The following SMPD3 variants were observed in gnomAD, a reference collection of about 807,000 sequenced individuals.
The protein encoded by SMPD3 is sphingomyelin phosphodiesterase 3.
SMPD3 carries 21 observed loss-of-function variants against 55.7 expected under a neutral mutation model. The observed-to-expected ratio is 0.38, with a 90% CI of 0.27 to 0.54. The LOEUF is 0.54. Among genes scored for constraint, SMPD3 ranks in the 20% least tolerant of loss-of-function variants. SMPD3 has a pLI of 0.80. For synonymous variants in SMPD3, 457 were observed against 404.3 expected, an observed-to-expected ratio of 1.13 and a Z score of -1.56; for missense variants, 842 against 899.6, an observed-to-expected ratio of 0.94 and a Z score of 0.82.
chr16:68,370,422 C>T (rs1437387683), intron 3 of SMPD3, among the ~76,000 whole-genome samples: 2 of 152,170 alleles, frequency 1.3e-5, no homozygotes, highest in Non-Finnish European at 2.9e-5. Flanking sequence ...GCTGGTCTCT[C>T]TGCCTCGTTA....
Position 68,444,368 on chromosome 16 carries a change from C to G in SMPD3, c.-269+3985G>C, listed in dbSNP as rs138637255. ...CAGTGATTTAGGAATACCAGGGCTG[C>G]AGTCTCATTTCCAGCATGCATGCTG... is the stretch of plus-strand genomic sequence containing the variant. On this transcript the variant is annotated intron_variant, in intron 1 of 8. Coordinates refer to ENST00000219334, the MANE Select transcript of SMPD3 (RefSeq NM_018667.4). Among the ~76,000 whole-genome samples, 432 of 152,344 alleles carry G rather than the reference C, an allele frequency of 2.8e-3. 1 individual carries two copies. Among genetic ancestry groups the G allele is most frequent in the Non-Finnish European group, 4.7e-3 (317 of 68,026 alleles).
intron 1 of SMPD3, among the ~76,000 whole-genome samples, chr16:68,413,861 C>T (rs1246934597): frequency 1.3e-5 from 2 of 152,186 alleles, no homozygotes; most frequent in African/African-American, 4.8e-5. Flanking sequence ...TAAAACCTGG[C>T]ATGCTCTGGT....
At chr16:68,425,559 G>A (rs1218377501) in intron 1 of SMPD3, among the ~76,000 whole-genome samples, 1 of 152,100 alleles carries the variant, frequency 6.6e-6, no homozygotes. Context: ...GGGCCCTAAG[G>A]AGCCAGAGTC....
In SMPD3 at chr16:68,363,244, G is replaced by C. The variant is rs557402362; in HGVS notation, c.1709+252C>G. ...GGGGCTCGGGGCAGGGCTAGCTCCT[G>C]AAAACAGGTTTGGGAAATACCCCTA... On this transcript the variant is annotated intron_variant, in intron 7 of 8. Coordinates refer to ENST00000219334, the MANE Select transcript of SMPD3 (RefSeq NM_018667.4). 5.0e-4 allele frequency among the ~76,000 whole-genome samples: 76 copies of C among 152,250 alleles called. 1 individual carries two copies. The highest frequency in any genetic ancestry group is 1.7e-3 in the African/African-American group (70 of 41,548).
rs566453713 is a variant in SMPD3 at position 68,365,521 on chromosome 16, C to T, written c.1324-429G>A. On this transcript the variant is annotated intron_variant, in intron 3 of 8. Coordinates refer to ENST00000219334, the MANE Select transcript of SMPD3 (RefSeq NM_018667.4). ...CTGGTGCTTTCTCCCCCTGAAATCT[C>T]AGGGGGTTGCCCCTGTGCCATGGCG... is the stretch of plus-strand genomic sequence containing the variant. 1.0e-4 allele frequency among the ~76,000 whole-genome samples: 12 copies of T among 115,806 alleles called. No homozygotes were observed. The East Asian group carries it at 2.5e-3, about 24-fold the overall frequency. 76.0% of individuals were successfully genotyped at this position (115,806 alleles called of 152,430 possible). A position where few individuals can be genotyped will look rare whatever the true frequency, so the allele number is the denominator to read the frequency against.
Position 68,360,691 on chromosome 16 carries a change from G to A in SMPD3, c.*515C>T, listed in dbSNP as rs868757890. 2 of 156,128 alleles carry A rather than the reference G, an allele frequency of 1.3e-5. No homozygotes were observed. Among genetic ancestry groups the A allele is most frequent in the Middle Eastern group, 3.1e-3 (1 of 326 alleles). 9.7% of individuals were successfully genotyped at this position (156,128 alleles called of 1,614,324 possible). ...ACTGGAGGCGGGAGAGCTGGTGGCCGTGCCCAGGAAGTGCTTCTTTGGCTG... is the reference window on the plus strand; with the variant it reads ...ACTGGAGGCGGGAGAGCTGGTGGCCATGCCCAGGAAGTGCTTCTTTGGCTG... On this transcript the variant is annotated 3_prime_UTR_variant, in exon 9 of 9. Transcript: ENST00000219334.
chr16:68,439,309 C>T (rs910546351), intron 1 of SMPD3, among the ~76,000 whole-genome samples: 3 of 152,224 alleles, frequency 2.0e-5, no homozygotes, highest in Admixed American at 6.5e-5. Context: ...CCTTGGTTCA[C>T]TCTGCATATG....
intron 1 of SMPD3, among the ~76,000 whole-genome samples, chr16:68,399,924 C>T (rs916138178): frequency 2.0e-5 from 3 of 152,224 alleles, no homozygotes; most frequent in African/African-American, 4.8e-5. Context: ...AGCTTCTCTC[C>T]GTAGCCTCAT....
intron 1 of SMPD3, among the ~76,000 whole-genome samples, chr16:68,406,921 G>A (rs890835427): frequency 6.6e-6 from 1 of 152,146 alleles, no homozygotes; most frequent in Non-Finnish European, 1.5e-5. Context: ...GCAGCACATC[G>A]GGGCATGGGG....
rs1205873868 is a variant in SMPD3, at chr16:68,372,994, C to T, written c.-206-607G>A. Among the ~76,000 whole-genome samples, 4 of 152,212 alleles carry T rather than the reference C, an allele frequency of 2.6e-5. No homozygotes were observed. The East Asian group carries it at 7.7e-4, about 29-fold the overall frequency. On this transcript the variant is annotated intron_variant, in intron 2 of 8. Coordinates refer to ENST00000219334, the MANE Select transcript of SMPD3 (RefSeq NM_018667.4). ...CACAACCGGGCTGTCACTGTGGCCC[C>T]AGCCTGCAGGATCACACCAAGCCTG...
rs1353015763 is a variant in SMPD3 at position 68,364,756 on chromosome 16, G to C, written c.1550C>G (p.Ser517Cys). 3 of 1,613,020 alleles carry C rather than the reference G, an allele frequency of 1.9e-6. No individual in the cohort carries two copies. In the African/African-American group the frequency reaches 4.0e-5, roughly 22 times the overall value. The change falls in exon 5 of 9, where the codon TCC (serine) becomes TGC (cysteine). Residue 517 changes from serine (S) to cysteine (C), a missense_variant. Physicochemically the swap from Ser to Cys is moderately radical, Grantham distance 112 (BLOSUM62 -1). Around this residue, in one of 2 missense-constraint regions of SMPD3, gnomAD observed 649 missense variants for 643.6 expected, o/e 1.01. Transcript: ENST00000219334. ...VCGDFNFDNC[S>C]SDDKLEQQHS... ...GGGGAGGAGCCCGGCCTCACCAGAG[G>C]AGCAGTTATCAAAGTTGAAATCTCC...
intron 2 of SMPD3, among the ~76,000 whole-genome samples, chr16:68,381,042 A>G (rs986135236): frequency 6.6e-6 from 1 of 152,256 alleles, no homozygotes; most frequent in Non-Finnish European, 1.5e-5. Flanking sequence ...ACATTTAACA[A>G]ACTGAGTCCT....
rs577983044 is a variant in SMPD3, at chr16:68,363,921, G to A, written c.1556-55C>T. The stretch of plus-strand genomic sequence containing the variant: ...ACCAGGGGGCTTTGCTGTCCCACAC[G>A]GCCTGTGCCCCTGCTTCCCATCAGT... On this transcript the variant is annotated intron_variant, in intron 5 of 8. Coordinates refer to ENST00000219334, the MANE Select transcript of SMPD3 (RefSeq NM_018667.4). 50 of 1,462,012 alleles carry A rather than the reference G, an allele frequency of 3.4e-5. No homozygotes were observed. In the South Asian group the frequency reaches 3.8e-4, roughly 11 times the overall value. 90.6% of individuals were successfully genotyped at this position (1,462,012 alleles called of 1,614,324 possible).
At chr16:68,378,412 A>G (rs866674926) in intron 2 of SMPD3, among the ~76,000 whole-genome samples, 3 of 152,304 alleles carry the variant, frequency 2.0e-5, no homozygotes, top group Middle Eastern at 6.8e-3. Flanking sequence ...CCCGAAAGCC[A>G]CATCCCAGGT....
chr16:68,398,410 A>G (rs2090178629), intron 1 of SMPD3, among the ~76,000 whole-genome samples: 1 of 152,186 alleles, frequency 6.6e-6, no homozygotes, highest in South Asian at 2.1e-4. Context: ...GCTGGTGCCG[A>G]ATCCCTCACA....
At chr16:68,401,607 A>G (rs2090206732) in intron 1 of SMPD3, among the ~76,000 whole-genome samples, 1 of 151,984 alleles carries the variant, frequency 6.6e-6, no homozygotes. Flanking sequence ...CCTTGCCTAA[A>G]AGGTAATTAT....
chr16:68,372,357 C>A lies in SMPD3; in HGVS notation c.-176G>T. Reference sequence around the variant, plus strand: ...TTGGCCAGCCGGTCATGGTTCACCTCGGTGGGCCATGCGGAGGCCTACTGC... The same window carrying A: ...TTGGCCAGCCGGTCATGGTTCACCTAGGTGGGCCATGCGGAGGCCTACTGC... On this transcript the variant is annotated 5_prime_UTR_variant, in exon 3 of 9. Coordinates refer to ENST00000219334, the MANE Select transcript of SMPD3 (RefSeq NM_018667.4). The A allele has an allele frequency of 2.5e-6, 2 of 815,740 alleles. No individual in the cohort carries two copies. Among genetic ancestry groups the A allele is most frequent in the Non-Finnish European group, 3.9e-6 (2 of 517,488 alleles). The allele number at this position is 815,740 out of a possible 1,614,324, so 50.5% of individuals were successfully genotyped here.
At position 68,359,049 on chromosome 16, in the gene SMPD3, G is replaced by T; in HGVS notation, c.*2157C>A. ...ATGACTTGCCTAAGGCCGCCTGTGA[G>T]GTGGGAGGGGAGGAGCATGCAGCCC... On this transcript the variant is annotated 3_prime_UTR_variant, in exon 9 of 9. Transcript: ENST00000219334. 6.5e-6 allele frequency: 1 copy of T among 152,810 alleles called. No individual in the cohort carries two copies. The allele number at this position is 152,810 out of a possible 1,614,324, so 9.5% of individuals were successfully genotyped here. A position where few individuals can be genotyped will look rare whatever the true frequency, so the allele number is the denominator to read the frequency against.
chr16:68,407,527 T>A (rs2090263750), intron 1 of SMPD3, among the ~76,000 whole-genome samples: 1 of 152,054 alleles, frequency 6.6e-6, no homozygotes, highest in African/African-American at 2.4e-5. Flanking sequence ...AGAGATGGAG[T>A]CTTTGCTATG....
Sources: gnomAD v4.1 joint callset for allele counts (sites outside exome capture counted in the v4.1 genomes callset) on GRCh38, gnomAD v4.1.1 for gene constraint, gnomAD v4.1.1 regional missense constraint, MANE v1.5 for transcripts, NCBI Gene and HGNC (gene_info 2026-07-23, HGNC 2026-07-21) for gene names.